The following MRPS27 variants were observed in gnomAD, a reference collection of about 807,000 sequenced individuals.
MRPS27 encodes the protein mitochondrial ribosomal protein S27, also known as small ribosomal subunit protein mS27.
Under a neutral mutation model 48.9 loss-of-function variants are expected in MRPS27, and 43 were observed. The observed-to-expected ratio is 0.88, with a 90% confidence interval of 0.69 to 1.13. The LOEUF (loss-of-function observed/expected upper bound fraction) is 1.13. Ranked by LOEUF, MRPS27 falls within the 50% of genes most tolerant of loss-of-function variation. The pLI, the probability that MRPS27 is intolerant of heterozygous loss-of-function variation, is 0.00. For missense variants in MRPS27, 467 were observed against 476.3 expected (o/e 0.98, Z 0.18); for synonymous variants, 188 against 171.9 (o/e 1.09, Z -0.73).
In MRPS27 at chr5:72,320,184, G is replaced by T. The variant is rs943851283; in HGVS notation, c.38C>A (p.Ala13Glu). 2.5e-6 allele frequency: 4 copies of T among 1,613,998 alleles called. No individual in the cohort carries two copies. The highest frequency in any genetic ancestry group is 3.4e-6 in the Non-Finnish European group (4 of 1,179,900). Residue 13 changes from alanine to glutamate, a missense_variant, in exon 1 of 11, where the codon GCG (alanine) becomes GAG (glutamate). By Grantham distance (107) the Ala-to-Glu change is moderately radical. Coordinates refer to ENST00000261413, the MANE Select transcript of MRPS27 (RefSeq NM_015084.3). ...GAGCTGAGGAAGAACCACTTGCCGC[G>T]CCAGGAGCATCCCGCGCCGCACTAT... ...ASIVRRGMLL[A>E]RQVVLPQLSP...
At chr5:72,253,886 C>G (rs748658420) in intron 4 of MRPS27, among the ~76,000 whole-genome samples, 1 of 152,118 alleles carries the variant, frequency 6.6e-6, no homozygotes, top group Non-Finnish European at 1.5e-5. Context: ...TTGGGAAATT[C>G]TCTTGTAAGA....
chr5:72,222,466 TAAAAATACA>T (rs1311726363), intron 10 of MRPS27: 14 of 152,200 alleles, frequency 9.2e-5, no homozygotes, highest in African/African-American at 3.1e-4. Context: ...AAAATTTTCA[TAAAAATACA>T]TTTGTAGAGG....
intron 4 of MRPS27, among the ~76,000 whole-genome samples, chr5:72,257,297 C>T (rs1468536966): frequency 1.3e-5 from 2 of 152,164 alleles, no homozygotes; most frequent in Non-Finnish European, 2.9e-5. Context: ...ACAGCTTGAA[C>T]AGACTAAAAA....
At chr5:72,297,894 G>A (rs962891591) in intron 2 of MRPS27, among the ~76,000 whole-genome samples, 192 bp from the exon 3 acceptor site, 1 of 151,990 alleles carries the variant, frequency 6.6e-6, no homozygotes, top group Non-Finnish European at 1.5e-5. Flanking sequence ...ATTGGGTTGA[G>A]AATTATTTTA....
At chr5:72,261,879 T>C (rs1748988143) in intron 4 of MRPS27, among the ~76,000 whole-genome samples, 1 of 152,188 alleles carries the variant, frequency 6.6e-6, no homozygotes, top group African/African-American at 2.4e-5. Flanking sequence ...GGTTGCCACA[T>C]TGCTATATTG....
chr5:72,267,501 G>A lies in MRPS27; in HGVS notation c.281+28030C>T, dbSNP rs568060193. ...TGCTCATTAAATAAGTTCAAACAATGTATGAACAGAGAAAGACAATGTATA... is the reference window on the plus strand; with the variant it reads ...TGCTCATTAAATAAGTTCAAACAATATATGAACAGAGAAAGACAATGTATA... On this transcript the variant is annotated intron_variant, in intron 4 of 10. Transcript: ENST00000261413. 2.6e-5 allele frequency among the ~76,000 whole-genome samples: 4 copies of A among 151,554 alleles called. No homozygotes were observed. The South Asian group carries it at 8.4e-4, about 32-fold the overall frequency.
At chr5:72,279,958 C>T (rs950910190) in intron 4 of MRPS27, among the ~76,000 whole-genome samples, 7 of 152,102 alleles carry the variant, frequency 4.6e-5, no homozygotes, top group South Asian at 2.1e-4. Context: ...GTTAGATTAT[C>T]GATTGTCTAA....
chr5:72,275,441 A>G (rs1561349631), intron 4 of MRPS27, among the ~76,000 whole-genome samples: 1 of 152,246 alleles, frequency 6.6e-6, no homozygotes, highest in Non-Finnish European at 1.5e-5. Flanking sequence ...TATCGTGAAC[A>G]TGGCCATACT....
Position 72,220,860 on chromosome 5 carries a change from G to C in MRPS27, c.*49C>G. The C allele has an allele frequency of 6.2e-7, 1 of 1,607,254 alleles. No individual in the cohort carries two copies. On this transcript the variant is annotated 3_prime_UTR_variant, in exon 11 of 11. Transcript: ENST00000261413. ...CCAGGCCACTGCTGAGTCCTGGCAC[G>C]GGGTTGAGTGAAGTTCTTGTGAGAC...
At chr5:72,308,222 G>C (rs975940587) in intron 2 of MRPS27, among the ~76,000 whole-genome samples, 1 of 152,216 alleles carries the variant, frequency 6.6e-6, no homozygotes, top group Non-Finnish European at 1.5e-5. Context: ...AGGACGAAGA[G>C]AGGGGGCACC....
intron 10 of MRPS27, among the ~76,000 whole-genome samples, chr5:72,221,972 G>A (rs1225650115): frequency 2.0e-5 from 3 of 152,186 alleles, no homozygotes; most frequent in East Asian, 1.9e-4. Flanking sequence ...GGCCACTTAC[G>A]GGGCCAGCTG....
At chr5:72,267,168 T>C (rs1032379031) in intron 4 of MRPS27, among the ~76,000 whole-genome samples, 1 of 152,218 alleles carries the variant, frequency 6.6e-6, no homozygotes, top group Non-Finnish European at 1.5e-5. Flanking sequence ...ACTATATTCA[T>C]TTTGGCATAA....
intron 4 of MRPS27, among the ~76,000 whole-genome samples, chr5:72,238,737 C>G (rs753625445): frequency 4.5e-4 from 69 of 152,298 alleles, no homozygotes; most frequent in Non-Finnish European, 2.9e-4. Flanking sequence ...TCAGTTTATC[C>G]CTTACTTCCT....
intron 4 of MRPS27, among the ~76,000 whole-genome samples, chr5:72,250,248 T>C (rs138744533): frequency 1.0e-3 from 157 of 152,358 alleles, no homozygotes; most frequent in African/African-American, 3.4e-3. Context: ...TTAGAGATAA[T>C]GTTGTACCCT....
intron 4 of MRPS27, chr5:72,241,363 A>G: frequency 2.0e-6 from 1 of 500,648 alleles, no homozygotes; most frequent in Non-Finnish European, 3.6e-6. Flanking sequence ...CACACATACT[A>G]TAAAATATGC....
intron 4 of MRPS27, among the ~76,000 whole-genome samples, chr5:72,269,065 C>T (rs1749169142): frequency 6.6e-6 from 1 of 152,166 alleles, no homozygotes; most frequent in Non-Finnish European, 1.5e-5. Flanking sequence ...TGTATGCTTG[C>T]TCTGATTACA....
intron 10 of MRPS27, among the ~76,000 whole-genome samples, chr5:72,222,101 A>T (rs1747760045): frequency 2.0e-5 from 3 of 152,202 alleles, no homozygotes; most frequent in African/African-American, 7.2e-5. Context: ...GAGGGGCCAG[A>T]GGCCTAGTGT....
At chr5:72,316,406 T>G (rs548956555) in intron 1 of MRPS27, among the ~76,000 whole-genome samples, 1 of 152,316 alleles carries the variant, frequency 6.6e-6, no homozygotes, top group East Asian at 1.9e-4. Context: ...TTTTGCTCGT[T>G]GCCCAGGCTG....
chr5:72,293,814 GA>G (rs1257010816), intron 4 of MRPS27, among the ~76,000 whole-genome samples: 1 of 152,136 alleles, frequency 6.6e-6, no homozygotes, highest in African/African-American at 2.4e-5. Context: ...TTTATATTTA[GA>G]AATTGAAACT....
Sources: gnomAD v4.1 joint callset for allele counts (sites outside exome capture counted in the v4.1 genomes callset) on GRCh38, gnomAD v4.1.1 for gene constraint, MANE v1.5 for transcripts, NCBI Gene and HGNC (gene_info 2026-07-23, HGNC 2026-07-21) for gene names.